Variants in SIPA1L1 observed in about 807,000 individuals in gnomAD.
SIPA1L1 encodes signal-induced proliferation-associated 1-like protein 1.
In SIPA1L1, 26 loss-of-function variants were observed where a neutral mutation model predicts 162.7. That is an observed-to-expected ratio of 0.16 (90% CI 0.12 to 0.22). The LOEUF is 0.22. Ranked by LOEUF, SIPA1L1 falls within the 10% of genes least tolerant of loss-of-function variation. SIPA1L1 has a pLI of 1.00. For missense variants in SIPA1L1, 1,874 were observed against 2,241.0 expected (o/e 0.84, Z 3.31); for synonymous variants, 829 against 837.4 (o/e 0.99, Z 0.17).
chr14:71,594,251 C>A (rs2035767566), intron 5 of SIPA1L1, among the ~76,000 whole-genome samples: 1 of 152,220 alleles, frequency 6.6e-6, no homozygotes, highest in Non-Finnish European at 1.5e-5. Flanking sequence ...TTAGCACTCT[C>A]ATATACTCTC....
At chr14:71,429,440 G>T (rs2043822534) in intron 2 of SIPA1L1, among the ~76,000 whole-genome samples, 1 of 151,424 alleles carries the variant, frequency 6.6e-6, no homozygotes, top group African/African-American at 2.4e-5. Context: ...CTTTGGATAG[G>T]TATTCATGTT....
intron 2 of SIPA1L1, among the ~76,000 whole-genome samples, chr14:71,431,943 G>T (rs909709412): frequency 4.6e-5 from 7 of 152,024 alleles, no homozygotes; most frequent in Non-Finnish European, 1.5e-5. Context: ...TTATGCTTAG[G>T]TTCAACAGAG....
At chr14:71,456,401 A>G (rs1177076115) in intron 2 of SIPA1L1, among the ~76,000 whole-genome samples, 2 of 152,240 alleles carry the variant, frequency 1.3e-5, no homozygotes, top group African/African-American at 2.4e-5. Context: ...AACCCTATCA[A>G]TTTTATGTAC....
chr14:71,328,717 G>T (rs2034132954), intron 2 of SIPA1L1, among the ~76,000 whole-genome samples: 1 of 152,212 alleles, frequency 6.6e-6, no homozygotes, highest in Non-Finnish European at 1.5e-5. Context: ...TTAGACTCCT[G>T]CAGTGGAGAT....
intron 2 of SIPA1L1, among the ~76,000 whole-genome samples, chr14:71,383,473 T>C (rs145163917): frequency 6.6e-6 from 1 of 152,368 alleles, no homozygotes; most frequent in African/African-American, 2.4e-5. Context: ...TACCATGCGT[T>C]ACTGCCTTTG....
intron 2 of SIPA1L1, among the ~76,000 whole-genome samples, chr14:71,389,077 A>G (rs1255674673): frequency 6.6e-6 from 1 of 152,058 alleles, no homozygotes; most frequent in African/African-American, 2.4e-5. Context: ...ACCGTGCCTG[A>G]CCTGTTTATT....
At position 71,666,444 on chromosome 14, in the gene SIPA1L1, A is replaced by G. The variant is rs116043512; in HGVS notation, c.2256-4675A>G. Among the ~76,000 whole-genome samples, 1,029 of 152,360 alleles carry G rather than the reference A, an allele frequency of 6.8e-3. 12 individuals carry two copies. The highest frequency in any genetic ancestry group is 0.023 in the African/African-American group (968 of 41,584). On this transcript the variant is annotated intron_variant, in intron 10 of 23. Transcript: ENST00000381232. ...GGATCCCAATTTAGACAAAAAGACT[A>G]TAAAGAAAATCCTAGGACATCCTAA...
At chr14:71,657,122 G>T (rs553900928) in intron 8 of SIPA1L1, among the ~76,000 whole-genome samples, 1 of 152,036 alleles carries the variant, frequency 6.6e-6, no homozygotes, top group African/African-American at 2.4e-5. Flanking sequence ...GGCCAAGGTG[G>T]GTGGATCACA....
chr14:71,370,322 T>C lies in SIPA1L1; in HGVS notation c.-465+49141T>C, dbSNP rs542399023. ...GTTTGTCATAGATAGCTCTTATTAT[T>C]TTGAAATACGTCCCATCAATACCTG... On this transcript the variant is annotated intron_variant, in intron 2 of 23. Coordinates refer to ENST00000381232, the MANE Select transcript of SIPA1L1 (RefSeq NM_001386936.1). 1.4e-4 allele frequency among the ~76,000 whole-genome samples: 22 copies of C among 152,106 alleles called. 1 individual carries two copies. In the East Asian group the frequency reaches 4.2e-3, roughly 29 times the overall value.
At chr14:71,678,168 C>G (rs1455002746) in intron 12 of SIPA1L1, among the ~76,000 whole-genome samples, 1 of 152,134 alleles carries the variant, frequency 6.6e-6, no homozygotes, top group Non-Finnish European at 1.5e-5. Context: ...CCAGAACTTC[C>G]AACGCTATGT....
chr14:71,557,937 C>T (rs776766090), intron 4 of SIPA1L1, among the ~76,000 whole-genome samples: 1 of 152,110 alleles, frequency 6.6e-6, no homozygotes, highest in Non-Finnish European at 1.5e-5. Context: ...TAACTTACAT[C>T]GTAGGTAATT....
intron 10 of SIPA1L1, among the ~76,000 whole-genome samples, chr14:71,665,810 C>T (rs572931526): frequency 2.6e-5 from 4 of 152,028 alleles, no homozygotes; most frequent in African/African-American, 9.7e-5. Flanking sequence ...TATATGATAA[C>T]GTTTAATTTC....
At chr14:71,590,308 T>C (rs2035223519) in intron 5 of SIPA1L1, among the ~76,000 whole-genome samples, 1 of 151,948 alleles carries the variant, frequency 6.6e-6, no homozygotes, top group Non-Finnish European at 1.5e-5. Flanking sequence ...ACCTCTGTGT[T>C]CCATTAGCTA....
chr14:71,695,957 T>G (rs2081594013), intron 13 of SIPA1L1, among the ~76,000 whole-genome samples: 1 of 152,188 alleles, frequency 6.6e-6, no homozygotes, highest in South Asian at 2.1e-4. Context: ...ACCTTACAAT[T>G]AATTACTTTA....
intron 2 of SIPA1L1, among the ~76,000 whole-genome samples, chr14:71,354,281 C>CTTT: frequency 7.3e-6 from 1 of 137,746 alleles, no homozygotes; most frequent in Non-Finnish European, 1.6e-5. Context: ...TCATTTGTTT[C>CTTT]TTTTTTTTTT....
At chr14:71,736,831 A>C (rs575180289) in intron 22 of SIPA1L1, among the ~76,000 whole-genome samples, 3 of 152,368 alleles carry the variant, frequency 2.0e-5, no homozygotes, top group Admixed American at 6.5e-5. Context: ...TTCTTGGGTC[A>C]GCATGGACTG....
chr14:71,439,928 A>G (rs2141182443), intron 2 of SIPA1L1, among the ~76,000 whole-genome samples: 1 of 152,308 alleles, frequency 6.6e-6, no homozygotes. Context: ...GCCACTCCCT[A>G]TTAACTCATT....
intron 12 of SIPA1L1, among the ~76,000 whole-genome samples, chr14:71,683,220 G>A (rs2045969139): frequency 6.6e-6 from 1 of 152,226 alleles, no homozygotes; most frequent in South Asian, 2.1e-4. Flanking sequence ...GGAGGTGGAA[G>A]AGGTAGTAGT....
rs113841474 is a variant in SIPA1L1, at chr14:71,377,399, A to C, written c.-465+56218A>C. On this transcript the variant is annotated intron_variant, in intron 2 of 23. Transcript: ENST00000381232. This position sits in a 1 kb window ranked among gnomAD's most constrained non-coding sequence, Gnocchi z 4.8. The stretch of plus-strand genomic sequence containing the variant: ...GACGGGGTCGCGGCCGGGCAGAGGC[A>C]CTCCTCACCTCCCAGACAGGGTGGC... Among the ~76,000 whole-genome samples, 1 of 137,768 alleles carries C rather than the reference A, an allele frequency of 7.3e-6. No homozygotes were observed. The highest frequency in any genetic ancestry group is 2.7e-5 in the African/African-American group (1 of 36,898). The allele number at this position is 137,768 out of a possible 152,430, so 90.4% of individuals were successfully genotyped here.
Sources: gnomAD v4.1 joint callset for allele counts (sites outside exome capture counted in the v4.1 genomes callset) on GRCh38, gnomAD v4.1.1 for gene constraint, Gnocchi (gnomAD v3.1) non-coding constraint, MANE v1.5 for transcripts, NCBI Gene and HGNC (gene_info 2026-07-23, HGNC 2026-07-21) for gene names.